Variants in KIAA1217 observed in about 807,000 individuals in gnomAD.
The protein encoded by KIAA1217 is KIAA1217.
Under a neutral mutation model 163.9 loss-of-function variants are expected in KIAA1217, and 88 were observed. That is an observed-to-expected ratio of 0.54 (90% CI 0.45 to 0.64). The LOEUF (loss-of-function observed/expected upper bound fraction) is 0.64, where lower values mean the gene tolerates loss of function less well. Ranked by LOEUF, KIAA1217 falls within the 30% of genes least tolerant of loss-of-function variation. The probability of loss-of-function intolerance (pLI) is 0.00; values close to 1 mark genes in which losing one functional copy is unlikely to be tolerated. For missense variants in KIAA1217, 2,372 were observed against 2,475.0 expected (o/e 0.96, Z 0.88); for synonymous variants, 903 against 923.1 (o/e 0.98, Z 0.39).
intron 2 of KIAA1217, among the ~76,000 whole-genome samples, chr10:24,009,128 C>T (rs1415905656): frequency 6.6e-6 from 1 of 152,188 alleles, no homozygotes; most frequent in Non-Finnish European, 1.5e-5. Context: ...AACTTGCAAC[C>T]ACTTTAAATA....
intron 2 of KIAA1217, among the ~76,000 whole-genome samples, chr10:24,149,774 GATAA>G (rs1432311825): frequency 6.6e-6 from 1 of 151,964 alleles, no homozygotes; most frequent in Non-Finnish European, 1.5e-5. Flanking sequence ...ACACAAAAGA[GATAA>G]ATATTTGAGG....
intron 1 of KIAA1217, among the ~76,000 whole-genome samples, chr10:23,889,040 G>A (rs1841309217): frequency 1.3e-5 from 2 of 151,732 alleles, no homozygotes; most frequent in Admixed American, 1.3e-4. Context: ...CCTTTTCATT[G>A]CTAAATAGTA....
At chr10:24,005,537 G>C (rs1846955191) in intron 1 of KIAA1217, among the ~76,000 whole-genome samples, 1 of 152,048 alleles carries the variant, frequency 6.6e-6, no homozygotes. Flanking sequence ...CACTGACCTG[G>C]GTTCAAATCC....
At chr10:24,064,942 G>T (rs1488856228) in intron 2 of KIAA1217, among the ~76,000 whole-genome samples, 2 of 152,160 alleles carry the variant, frequency 1.3e-5, no homozygotes, top group African/African-American at 4.8e-5. Context: ...GGTGTTTATA[G>T]TATTCTCTGA....
At chr10:24,340,362 CTGA>C (rs2046928102) in intron 2 of KIAA1217, among the ~76,000 whole-genome samples, 1 of 152,162 alleles carries the variant, frequency 6.6e-6, no homozygotes, top group African/African-American at 2.4e-5. Context: ...ATCTGATGGT[CTGA>C]TAAAGGGTTA....
In KIAA1217 at chr10:24,470,038, G is replaced by A. The variant is rs193224552; in HGVS notation, c.847-3190G>A. Among the ~76,000 whole-genome samples, 219 of 152,280 alleles carry A rather than the reference G, an allele frequency of 1.4e-3. 1 individual carries two copies. The highest frequency in any genetic ancestry group is 5.0e-3 in the African/African-American group (209 of 41,556). On this transcript the variant is annotated intron_variant, in intron 5 of 20. Transcript: ENST00000376454. ...TTATAAACAGTGGCATATTTGAGTC[G>A]ATGTGATGAATTTATCTCGATGTTT...
chr10:24,430,576 T>C (rs79641988), intron 3 of KIAA1217, among the ~76,000 whole-genome samples: 8,712 of 152,028 alleles, frequency 0.057, 427 homozygotes, highest in African/African-American at 0.13. Flanking sequence ...CGCACCATAA[T>C]GTAGAATCAG....
chr10:23,714,324 A>G (rs531147148), intron 1 of KIAA1217, among the ~76,000 whole-genome samples: 1 of 152,248 alleles, frequency 6.6e-6, no homozygotes, highest in South Asian at 2.1e-4. Flanking sequence ...CAAGTAATTT[A>G]TGAAGAAATT....
intron 2 of KIAA1217, among the ~76,000 whole-genome samples, chr10:24,079,861 C>T (rs11013882): frequency 0.032 from 4,857 of 152,288 alleles, 259 homozygotes; most frequent in African/African-American, 0.11. Flanking sequence ...AAATTTAGAA[C>T]TGGATCTGAG....
At chr10:24,061,739 A>C (rs984459565) in intron 2 of KIAA1217, among the ~76,000 whole-genome samples, 1 of 152,214 alleles carries the variant, frequency 6.6e-6, no homozygotes, top group African/African-American at 2.4e-5. Context: ...TATTCTGCTG[A>C]AAAACCCATT....
intron 1 of KIAA1217, among the ~76,000 whole-genome samples, chr10:23,952,497 ATTCTAAG>A (rs760901471): frequency 6.6e-6 from 1 of 152,202 alleles, no homozygotes; most frequent in Non-Finnish European, 1.5e-5. Context: ...CAAACAGGCA[ATTCTAAG>A]TACCTGAATG....
Position 24,543,024 on chromosome 10 carries a change from C to G in KIAA1217, c.3754C>G (p.Leu1252Val). 2 of 1,613,828 alleles carry G rather than the reference C, an allele frequency of 1.2e-6. No homozygotes were observed. Among genetic ancestry groups the G allele is most frequent in the Non-Finnish European group, 1.7e-6 (2 of 1,179,934 alleles). Reference protein sequence around the residue: ...KENSISNMSLLRDSRNYSQET... With the variant: ...KENSISNMSLVRDSRNYSQET... ...AAATTCCATATCCAATATGAGTTTA[C>G]TCAGAGACAGTAGAAACTATTCCCA... Residue 1252 changes from leucine to valine, a missense_variant, in exon 19 of 21, where the codon CTC becomes GTC. Physicochemically the swap from Leu to Val is conservative, Grantham distance 32. Around this residue, in one of 3 missense-constraint regions of KIAA1217, gnomAD observed 251 missense variants for 327.3 expected, o/e 0.77. Transcript: ENST00000376454.
chr10:24,456,627 G>C (rs2061814748), intron 5 of KIAA1217, among the ~76,000 whole-genome samples: 1 of 152,086 alleles, frequency 6.6e-6, no homozygotes, highest in Non-Finnish European at 1.5e-5. Flanking sequence ...TCATAATCCA[G>C]TGCTCGATCC....
Position 24,527,964 on chromosome 10 carries a change from G to A in KIAA1217, c.2927G>A (p.Arg976Lys), listed in dbSNP as rs145827639. ...GCAGAAAAGAAATGGGAGGAAAAAAGGCAAAATCTGGATCACTATAATGGG... is the reference window on the plus strand; with the variant it reads ...GCAGAAAAGAAATGGGAGGAAAAAAAGCAAAATCTGGATCACTATAATGGG... The part of the protein sequence containing the change: ...EKAEKKWEEK[R>K]QNLDHYNGKE... The change falls in exon 14 of 21, where the codon AGG becomes AAG. Residue 976 changes from arginine (R) to lysine (K), a missense_variant. Physicochemically the swap from Arg to Lys is conservative, Grantham distance 26. This residue lies in a region of KIAA1217 where 1,431 missense variants were observed against 1,470.3 expected (regional missense o/e 0.97). Transcript: ENST00000376454. 6.8e-6 allele frequency: 11 copies of A among 1,613,846 alleles called. No homozygotes were observed. Among genetic ancestry groups the A allele is most frequent in the Non-Finnish European group, 8.5e-6 (10 of 1,179,986 alleles).
At chr10:24,231,519 G>A (rs531354007) in intron 2 of KIAA1217, among the ~76,000 whole-genome samples, 47 of 152,212 alleles carry the variant, frequency 3.1e-4, no homozygotes, top group Non-Finnish European at 6.2e-4. Flanking sequence ...GGAGGCCCGT[G>A]AGCAAAGAAT....
At chr10:24,072,330 T>C (rs1247810669) in intron 2 of KIAA1217, among the ~76,000 whole-genome samples, 3 of 152,154 alleles carry the variant, frequency 2.0e-5, no homozygotes, top group African/African-American at 7.2e-5. Context: ...CACCCATCTA[T>C]TCTATTTTAA....
chr10:24,344,932 C>T (rs2047533048), intron 2 of KIAA1217, among the ~76,000 whole-genome samples: 1 of 152,108 alleles, frequency 6.6e-6, no homozygotes, highest in Admixed American at 6.6e-5. Context: ...TCAGAGAATC[C>T]AATATCAACC....
chr10:24,148,207 T>C (rs2064429007), intron 2 of KIAA1217, among the ~76,000 whole-genome samples: 1 of 152,198 alleles, frequency 6.6e-6, no homozygotes, highest in Non-Finnish European at 1.5e-5. Context: ...TTCATTACTA[T>C]GAATAGATTT....
At position 24,359,559 on chromosome 10, in the gene KIAA1217, A is replaced by G. The variant is rs144033023; in HGVS notation, c.355-21310A>G. Among the ~76,000 whole-genome samples the G allele has an allele frequency of 6.6e-5, 10 of 152,342 alleles. No homozygotes were observed. In the East Asian group the frequency reaches 1.9e-3, roughly 29 times the overall value. ...TGAATGAAGAAAGTGTACATGAAAC[A>G]TGCCTAAGGTAATATGCCCAAAGTC... On this transcript the variant is annotated intron_variant, in intron 2 of 20. Coordinates refer to ENST00000376454, the MANE Select transcript of KIAA1217 (RefSeq NM_019590.5).
Sources: gnomAD v4.1 joint callset for allele counts (sites outside exome capture counted in the v4.1 genomes callset) on GRCh38, gnomAD v4.1.1 for gene constraint, gnomAD v4.1.1 regional missense constraint, MANE v1.5 for transcripts, NCBI Gene and HGNC (gene_info 2026-07-23, HGNC 2026-07-21) for gene names.